Variants in TANC1 observed in about 807,000 individuals in gnomAD.
TANC1 encodes the protein tetratricopeptide repeat, ankyrin repeat and coiled-coil containing 1.
TANC1 carries 77 observed loss-of-function variants against 149.7 expected under a neutral mutation model. That is an observed-to-expected ratio of 0.51 (90% confidence interval 0.43 to 0.62). The LOEUF (loss-of-function observed/expected upper bound fraction) is 0.62. Among genes scored for constraint, TANC1 ranks in the 20% least tolerant of loss-of-function variants. TANC1 has a pLI of 0.00. For synonymous variants in TANC1, 854 were observed against 925.0 expected (o/e 0.92, Z 1.39); for missense variants, 1,985 against 2,321.8 (o/e 0.85, Z 2.98).
chr2:159,219,795 T>C lies in TANC1; in HGVS notation c.3606T>C (p.Ala1202=). Residue 1202 remains alanine, a synonymous_variant, in exon 22 of 27, where the codon GCT becomes GCC. Coordinates refer to ENST00000263635, the MANE Select transcript of TANC1 (RefSeq NM_033394.3). Reference sequence around the variant, plus strand: ...TCCAGTATCTGGTTGAAGAAGGAGCTGCAATAGACCAGACAGACAAGAATG... The same window carrying C: ...TCCAGTATCTGGTTGAAGAAGGAGCCGCAATAGACCAGACAGACAAGAATG... The part of the protein sequence containing the change: ...AVVQYLVEEG[A]AIDQTDKNGR... 1 of 1,614,110 alleles carries C rather than the reference T, an allele frequency of 6.2e-7. No homozygotes were observed. Among genetic ancestry groups the C allele is most frequent in the African/African-American group, 1.3e-5 (1 of 75,042 alleles).
At chr2:159,164,585 G>C (rs2054382360) in intron 8 of TANC1, among the ~76,000 whole-genome samples, 1 of 152,186 alleles carries the variant, frequency 6.6e-6, no homozygotes, top group Non-Finnish European at 1.5e-5. Context: ...CCTGTGCTGA[G>C]TTTAGAAGAG....
chr2:159,064,466 G>A (rs1325932384), intron 2 of TANC1, among the ~76,000 whole-genome samples: 1 of 152,080 alleles, frequency 6.6e-6, no homozygotes, highest in Non-Finnish European at 1.5e-5. Flanking sequence ...TTGTTTGATT[G>A]TTGTTGCCCA....
intron 2 of TANC1, among the ~76,000 whole-genome samples, chr2:159,064,376 G>A (rs541957540): frequency 2.0e-5 from 3 of 152,298 alleles, no homozygotes; most frequent in Non-Finnish European, 4.4e-5. Context: ...TTGTGTGTAA[G>A]ATGATTTTAC....
intron 2 of TANC1, among the ~76,000 whole-genome samples, chr2:159,007,138 G>GTTTTT (rs70994252): frequency 5.6e-4 from 39 of 69,504 alleles, no homozygotes; most frequent in Admixed American, 1.2e-3. Flanking sequence ...CTTTAATACT[G>GTTTTT]TTTTTTTTTT....
intron 4 of TANC1, among the ~76,000 whole-genome samples, chr2:159,133,875 T>G (rs1390268240): frequency 1.3e-5 from 2 of 152,236 alleles, no homozygotes; most frequent in African/African-American, 4.8e-5. Context: ...TAAAGTATTA[T>G]TAGCTTATTT....
intron 7 of TANC1, among the ~76,000 whole-genome samples, chr2:159,153,218 C>A (rs964849050): frequency 1.3e-5 from 2 of 152,212 alleles, no homozygotes; most frequent in Admixed American, 6.5e-5. Context: ...TATGCAGGAT[C>A]CCCATTCCAC....
Position 159,170,739 on chromosome 2 carries a change from G to T in TANC1, c.1285G>T (p.Ala429Ser), listed in dbSNP as rs766198634. 6.2e-7 allele frequency: 1 copy of T among 1,614,160 alleles called. No individual in the cohort carries two copies. Among genetic ancestry groups the T allele is most frequent in the Admixed American group, 1.7e-5 (1 of 60,026 alleles). ...GACGGCAATCATTTCCAAGTTGGTG[G>T]CCCTGAGCTGCCACGGAAGCCGCAT... is the stretch of plus-strand genomic sequence containing the variant. ...GKTAIISKLVALSCHGSRMRQ... is the reference protein window; with the variant it reads ...GKTAIISKLVSLSCHGSRMRQ... The change falls in exon 10 of 27, where the codon GCC (alanine) becomes TCC (serine). Residue 429 changes from alanine to serine, a missense_variant. By Grantham distance (99) the Ala-to-Ser change is moderately conservative (BLOSUM62 1). Around this residue, in one of 3 missense-constraint regions of TANC1, gnomAD observed 557 missense variants for 612.9 expected, o/e 0.91. Coordinates refer to ENST00000263635, the MANE Select transcript of TANC1 (RefSeq NM_033394.3).
chr2:158,994,504 A>G lies in TANC1; in HGVS notation c.-125-6576A>G, dbSNP rs919048727. ...AGGCTGGTCTACAGTGCTTAGGCTCAAGCCATCCTTCCTCCCTTGGCTTCC... is the reference window on the plus strand; with the variant it reads ...AGGCTGGTCTACAGTGCTTAGGCTCGAGCCATCCTTCCTCCCTTGGCTTCC... On this transcript the variant is annotated intron_variant, in intron 1 of 26. Coordinates refer to ENST00000263635, the MANE Select transcript of TANC1 (RefSeq NM_033394.3). 7.2e-5 allele frequency among the ~76,000 whole-genome samples: 11 copies of G among 152,246 alleles called. No homozygotes were observed. In the South Asian group the frequency reaches 2.3e-3, roughly 32 times the overall value.
rs1384861552 is a variant in TANC1 at position 159,175,095 on chromosome 2, A to G, written c.1646A>G (p.Gln549Arg). Residue 549 changes from glutamine (Q) to arginine (R), a missense_variant, in exon 12 of 27, where the codon CAG becomes CGG. Coordinates refer to ENST00000263635, the MANE Select transcript of TANC1 (RefSeq NM_033394.3). ...CTTCTGATAAAGGAGCCCCAACTAC[A>G]GAGCATGCTGAGCCTCCGATCCTGT... ...RDLLIKEPQL[Q>R]SMLSLRSCVQ... The G allele has an allele frequency of 6.2e-7, 1 of 1,614,182 alleles. No individual in the cohort carries two copies. The highest frequency in any genetic ancestry group is 8.5e-7 in the Non-Finnish European group (1 of 1,180,028).
chr2:159,133,962 G>A (rs895964654), intron 4 of TANC1, among the ~76,000 whole-genome samples: 13 of 152,200 alleles, frequency 8.5e-5, no homozygotes, highest in Admixed American at 3.9e-4. Context: ...TAGTATAAAT[G>A]CTTTTGTAGT....
intron 2 of TANC1, among the ~76,000 whole-genome samples, chr2:159,006,076 C>T (rs546243938): frequency 4.6e-5 from 7 of 152,126 alleles, no homozygotes; most frequent in African/African-American, 1.7e-4. Context: ...CCATGGATTG[C>T]TTGAGTCCAG....
chr2:159,212,079 G>A (rs922551868), intron 19 of TANC1, among the ~76,000 whole-genome samples: 1 of 152,222 alleles, frequency 6.6e-6, no homozygotes, highest in African/African-American at 2.4e-5. Context: ...TTCAGTAGCA[G>A]CTTTAACAGA....
At position 159,229,950 on chromosome 2, in the gene TANC1, A is replaced by G. The variant is rs765495294; in HGVS notation, c.4524A>G (p.Ala1508=). 14 of 1,614,086 alleles carry G rather than the reference A, an allele frequency of 8.7e-6. No individual in the cohort carries two copies. Among genetic ancestry groups the G allele is most frequent in the Middle Eastern group, 1.6e-4 (1 of 6,062 alleles). Residue 1508 remains alanine (A), a synonymous_variant, in exon 27 of 27, where the codon GCA becomes GCG. Coordinates refer to ENST00000263635, the MANE Select transcript of TANC1 (RefSeq NM_033394.3). ...KGRPVSPQSR[A]GIGKSLREPV... is the part of the protein sequence containing the mutation. ...GGCCGGTATCGCCACAGAGCAGGGC[A>G]GGAATCGGCAAGTCCCTGAGAGAGC...
chr2:159,110,439 T>C (rs1373305062), intron 4 of TANC1, among the ~76,000 whole-genome samples: 3 of 152,198 alleles, frequency 2.0e-5, no homozygotes, highest in Non-Finnish European at 2.9e-5. Flanking sequence ...AACTGAGAAA[T>C]AAATTGTTGT....
intron 4 of TANC1, among the ~76,000 whole-genome samples, chr2:159,116,032 A>G (rs1247909282): frequency 6.6e-6 from 1 of 152,178 alleles, no homozygotes; most frequent in African/African-American, 2.4e-5. Context: ...TTGAGTGCAG[A>G]GTCTGAGCTA....
At chr2:159,088,828 A>C (rs2045230611) in intron 3 of TANC1, among the ~76,000 whole-genome samples, 1 of 152,172 alleles carries the variant, frequency 6.6e-6, no homozygotes, top group African/African-American at 2.4e-5. Flanking sequence ...GAAACACTCT[A>C]TGAAGGGTCT....
intron 4 of TANC1, among the ~76,000 whole-genome samples, chr2:159,110,686 T>C (rs765533789): frequency 1.3e-5 from 2 of 152,172 alleles, no homozygotes; most frequent in Non-Finnish European, 2.9e-5. Flanking sequence ...AGATGTAGAC[T>C]GTAAAGTGTA....
At chr2:159,026,439 G>GC (rs1481953867) in intron 2 of TANC1, among the ~76,000 whole-genome samples, 1 of 152,098 alleles carries the variant, frequency 6.6e-6, no homozygotes, top group Non-Finnish European at 1.5e-5. Context: ...AGCTTCTTTG[G>GC]CTTCCTGTTC....
chr2:159,043,645 G>A (rs1412489276), intron 2 of TANC1, among the ~76,000 whole-genome samples: 3 of 152,076 alleles, frequency 2.0e-5, no homozygotes, highest in African/African-American at 7.2e-5. Flanking sequence ...ATGGTGTCTA[G>A]CACAGTACTT....
Sources: allele counts gnomAD v4.1 joint callset (sites outside exome capture counted in the v4.1 genomes callset), GRCh38; gene constraint gnomAD v4.1.1; regional missense constraint gnomAD v4.1.1; transcripts MANE v1.5; gene names NCBI Gene and HGNC (gene_info 2026-07-23, HGNC 2026-07-21).